The following MACROD2 variants were observed in gnomAD, a reference collection of about 807,000 sequenced individuals.
MACROD2 encodes the protein mono-ADP ribosylhydrolase 2.
MACROD2 carries 36 observed loss-of-function variants against 70.4 expected under a neutral mutation model. The ratio of observed to expected loss-of-function variants is 0.51; its 90% CI spans 0.39 to 0.68. MACROD2 has a LOEUF of 0.68. Among genes scored for constraint, MACROD2 ranks in the 30% least tolerant of loss-of-function variants. The pLI is 0.00. For synonymous variants in MACROD2, 172 were observed against 178.8 expected, an observed-to-expected ratio of 0.96 and a Z score of 0.30; for missense variants, 496 against 538.4, an observed-to-expected ratio of 0.92 and a Z score of 0.78.
intron 8 of MACROD2, among the ~76,000 whole-genome samples, chr20:15,617,942 G>T (rs1271070247): frequency 6.6e-6 from 1 of 152,142 alleles, no homozygotes; most frequent in Admixed American, 6.5e-5. Context: ...TGGAAAACAA[G>T]CATGGAACAT....
intron 5 of MACROD2, chr20:14,933,853 A>G (rs1024992520): frequency 1.3e-5 from 2 of 152,136 alleles, no homozygotes; most frequent in Non-Finnish European, 2.9e-5. Flanking sequence ...TACAGTGAGG[A>G]TTGGAATTTT....
chr20:14,129,567 G>A (rs1426046921), intron 3 of MACROD2, among the ~76,000 whole-genome samples: 2 of 152,168 alleles, frequency 1.3e-5, no homozygotes, highest in Admixed American at 6.5e-5. Context: ...TGAGAGGATT[G>A]ACTGCAAATT....
chr20:15,719,214 A>G (rs2050749647), intron 8 of MACROD2, among the ~76,000 whole-genome samples: 1 of 152,220 alleles, frequency 6.6e-6, no homozygotes, highest in Non-Finnish European at 1.5e-5. Flanking sequence ...AGAAATAAGC[A>G]CTATAGGCTC....
chr20:15,577,683 A>G (rs1032735388), intron 8 of MACROD2, among the ~76,000 whole-genome samples: 2 of 152,070 alleles, frequency 1.3e-5, no homozygotes, highest in African/African-American at 4.8e-5. Flanking sequence ...GTTCCCCTCT[A>G]GATTTCCTGC....
chr20:14,534,580 G>A (rs1418612725), intron 4 of MACROD2, among the ~76,000 whole-genome samples: 1 of 152,198 alleles, frequency 6.6e-6, no homozygotes, highest in Non-Finnish European at 1.5e-5. Flanking sequence ...GAAGGGAATG[G>A]AGATTGCTTT....
intron 2 of MACROD2, among the ~76,000 whole-genome samples, chr20:14,032,726 A>T (rs1476551351): frequency 2.0e-5 from 3 of 152,202 alleles, no homozygotes; most frequent in Admixed American, 6.5e-5. Flanking sequence ...TTGAGAATGC[A>T]GACTTGCACC....
At chr20:14,627,842 A>G (rs114395221) in intron 4 of MACROD2, among the ~76,000 whole-genome samples, 70 of 152,322 alleles carry the variant, frequency 4.6e-4, no homozygotes, top group African/African-American at 1.5e-3. Flanking sequence ...TGCACTCAGA[A>G]AATTCATTCT....
intron 8 of MACROD2, among the ~76,000 whole-genome samples, chr20:15,528,586 G>A (rs1320879381): frequency 6.6e-6 from 1 of 152,182 alleles, no homozygotes; most frequent in Non-Finnish European, 1.5e-5. Flanking sequence ...AAGAAGGCTG[G>A]CTACCATCTC....
chr20:14,633,323 C>T (rs1288978580), intron 4 of MACROD2, among the ~76,000 whole-genome samples: 2 of 152,146 alleles, frequency 1.3e-5, no homozygotes, highest in South Asian at 2.1e-4. Flanking sequence ...TTTCCACAGA[C>T]GGTAACATTT....
chr20:15,454,406 A>AACACACACACACACACACACACAC (rs10523169), intron 7 of MACROD2, among the ~76,000 whole-genome samples: 1 of 137,428 alleles, frequency 7.3e-6, no homozygotes, highest in Admixed American at 7.3e-5. Context: ...GACATATTCA[A>AACACACACACACACACACACACAC]ACACACACAC....
At chr20:14,720,073 A>G (rs2071447201) in intron 5 of MACROD2, among the ~76,000 whole-genome samples, 1 of 152,198 alleles carries the variant, frequency 6.6e-6, no homozygotes, top group Admixed American at 6.5e-5. Context: ...TATAAAACAG[A>G]GGATGCTGTG....
intron 5 of MACROD2, among the ~76,000 whole-genome samples, chr20:14,990,224 T>C (rs2074889033): frequency 1.3e-5 from 2 of 152,114 alleles, no homozygotes; most frequent in Admixed American, 1.3e-4. Flanking sequence ...GTGATCAGCC[T>C]CATATTTAAT....
intron 3 of MACROD2, among the ~76,000 whole-genome samples, chr20:14,486,510 C>T (rs2084732313): frequency 9.5e-6 from 1 of 104,934 alleles, no homozygotes. Context: ...ATAAAATAGC[C>T]AACTTTTTAT....
intron 8 of MACROD2, among the ~76,000 whole-genome samples, chr20:15,557,781 T>C (rs757735831): frequency 2.3e-4 from 35 of 152,190 alleles, no homozygotes; most frequent in Non-Finnish European, 4.7e-4. Context: ...GCTGTTAGAA[T>C]ATCCCCTGGT....
At chr20:15,595,659 A>G (rs959216782) in intron 8 of MACROD2, among the ~76,000 whole-genome samples, 3 of 152,218 alleles carry the variant, frequency 2.0e-5, no homozygotes, top group Non-Finnish European at 4.4e-5. Flanking sequence ...TAAAAATAAG[A>G]GGCATAACTG....
At chr20:15,857,447 A>G (rs1344230974) in intron 8 of MACROD2, among the ~76,000 whole-genome samples, 3 of 152,222 alleles carry the variant, frequency 2.0e-5, no homozygotes, top group Non-Finnish European at 4.4e-5. Context: ...CGAAGGATCC[A>G]GTGCTCTTGC....
At chr20:14,176,458 A>T (rs1408829554) in intron 3 of MACROD2, among the ~76,000 whole-genome samples, 1 of 152,182 alleles carries the variant, frequency 6.6e-6, no homozygotes, top group African/African-American at 2.4e-5. Flanking sequence ...AAATGTGACA[A>T]TTTTAGAATA....
chr20:14,525,812 C>T (rs1267558684), intron 4 of MACROD2, among the ~76,000 whole-genome samples: 1 of 152,174 alleles, frequency 6.6e-6, no homozygotes, highest in Non-Finnish European at 1.5e-5. Context: ...ATGAAGATAT[C>T]AAATAAATCA....
intron 5 of MACROD2, among the ~76,000 whole-genome samples, chr20:15,087,259 T>C (rs1036586722): frequency 4.6e-5 from 7 of 152,046 alleles, no homozygotes; most frequent in Non-Finnish European, 8.8e-5. Flanking sequence ...TAAGGAAATA[T>C]TGACAAAAAA....
Sources: gnomAD v4.1 joint callset for allele counts (sites outside exome capture counted in the v4.1 genomes callset) on GRCh38, gnomAD v4.1.1 for gene constraint, MANE v1.5 for transcripts, NCBI Gene and HGNC (gene_info 2026-07-23, HGNC 2026-07-21) for gene names.